The following CFD variants were observed in gnomAD, a reference collection of about 807,000 sequenced individuals.
The protein encoded by CFD is C3 convertase activator.
In CFD, 24 loss-of-function variants were observed where a neutral mutation model predicts 21.1. The ratio of observed to expected loss-of-function variants is 1.14; its 90% CI spans 0.82 to 1.60. CFD has a LOEUF of 1.60. Ranked by LOEUF, CFD falls within the 40% of genes most tolerant of loss-of-function variation. The pLI, the probability that CFD is intolerant of heterozygous loss-of-function variation, is 0.00. For synonymous variants in CFD, 242 were observed against 175.9 expected, an observed-to-expected ratio of 1.38 and a Z score of -2.97; for missense variants, 535 against 383.3, an observed-to-expected ratio of 1.40 and a Z score of -3.31.
chr19:859,901 A>C, intron 1 of CFD, 157 bp downstream of exon 1: 2 of 610,978 alleles, frequency 3.3e-6, no homozygotes, highest in Non-Finnish European at 2.9e-6. Flanking sequence ...ATTCTAGAAA[A>C]TTCAGATTGG....
chr19:860,910 C>A lies in CFD; in HGVS notation c.262C>A (p.Pro88Thr), dbSNP rs751064879. The stretch of plus-strand genomic sequence containing the variant: ...CCTGGGCGCGCACTCCCTGTCGCAG[C>A]CGGAGCCCTCCAAGCGCCTGTACGA... Reference protein sequence around the residue: ...VLLGAHSLSQPEPSKRLYDVL... With the variant: ...VLLGAHSLSQTEPSKRLYDVL... The change falls in exon 3 of 5, where the codon CCG becomes ACG. Residue 88 changes from proline (P) to threonine (T), a missense_variant. Pro to Thr is a conservative substitution (Grantham distance 38). Coordinates refer to ENST00000327726, the MANE Select transcript of CFD (RefSeq NM_001928.4). The A allele has an allele frequency of 6.3e-7, 1 of 1,594,904 alleles. No homozygotes were observed.
chr19:860,198 T>C (rs964258210), intron 1 of CFD, among the ~76,000 whole-genome samples: 2 of 139,784 alleles, frequency 1.4e-5, no homozygotes, highest in Non-Finnish European at 3.2e-5. Flanking sequence ...TTTTTCTTTC[T>C]TTTTTTTTTT....
chr19:861,893 C>A lies in CFD; in HGVS notation c.552C>A (p.His184Gln). The A allele has an allele frequency of 6.3e-7, 1 of 1,583,764 alleles. No homozygotes were observed. The highest frequency in any genetic ancestry group is 8.5e-7 in the Non-Finnish European group (1 of 1,172,002). ...GCGCCACCTGCAACCGGCGCACGCACCACGACGGCGCCATCACCGAGCGCT... is the reference window on the plus strand; with the variant it reads ...GCGCCACCTGCAACCGGCGCACGCAACACGACGGCGCCATCACCGAGCGCT... ...LDRATCNRRT[H>Q]HDGAITERLM... Residue 184 changes from histidine (H) to glutamine (Q), a missense_variant, in exon 4 of 5, where the codon CAC (histidine) becomes CAA (glutamine). His to Gln is a conservative substitution (Grantham distance 24, BLOSUM62 0). Coordinates refer to ENST00000327726, the MANE Select transcript of CFD (RefSeq NM_001928.4).
chr19:860,594 C>G (rs1335523461), intron 1 of CFD, 23 bp from the exon 2 acceptor site: 32 of 1,410,420 alleles, frequency 2.3e-5, no homozygotes, highest in Middle Eastern at 2.5e-4. Context: ...CCCCGCGGCC[C>G]TCACGCGCCC....
chr19:861,570 C>A (rs372482606), intron 3 of CFD, 129 bp from the exon 4 acceptor site: 1 of 1,095,230 alleles, frequency 9.1e-7, no homozygotes, highest in Non-Finnish European at 1.3e-6. Context: ...CTAAATCTCT[C>A]CTGCTGCACT....
chr19:863,280 T>G lies in CFD; in HGVS notation c.*42T>G, dbSNP rs1280632161. 1.9e-6 allele frequency: 3 copies of G among 1,542,552 alleles called. No individual in the cohort carries two copies. Among genetic ancestry groups the G allele is most frequent in the Non-Finnish European group, 2.6e-6 (3 of 1,150,202 alleles). On this transcript the variant is annotated 3_prime_UTR_variant, in exon 5 of 5. Transcript: ENST00000327726. The stretch of plus-strand genomic sequence containing the variant: ...GGTCAGGGTCACCCAAGCAACAAAG[T>G]CCCGAGCAATGAAGTCATCCACTCC...
In CFD at chr19:863,211, G is replaced by C. The variant is rs550242478; in HGVS notation, c.735G>C (p.Ala245=). ...PGIYTRVASY[A]AWIDSVLA is the part of the protein sequence containing the mutation. ...TCTACACCCGCGTGGCGAGCTATGC[G>C]GCCTGGATCGACAGCGTCCTGGCCT... Residue 245 remains alanine (A), a synonymous_variant, in exon 5 of 5, where the codon GCG becomes GCC. Coordinates refer to ENST00000327726, the MANE Select transcript of CFD (RefSeq NM_001928.4). The C allele has an allele frequency of 6.5e-7, 1 of 1,543,204 alleles. No individual in the cohort carries two copies. Among genetic ancestry groups the C allele is most frequent in the African/African-American group, 1.4e-5 (1 of 73,672 alleles).
At chr19:861,558 G>A in intron 3 of CFD, 141 bp from the exon 4 acceptor site, 1 of 947,592 alleles carries the variant, frequency 1.1e-6, no homozygotes. Context: ...CCAGGGTCTA[G>A]CCTAAATCTC....
intron 1 of CFD, 121 bp from the exon 2 acceptor site, chr19:860,496 G>C: frequency 1.3e-6 from 1 of 779,404 alleles, no homozygotes; most frequent in South Asian, 2.4e-5. Context: ...GTGAGCCACC[G>C]CGCCCAGAGA....
At chr19:860,551 C>T (rs2035771447) in intron 1 of CFD, 66 bp from the exon 2 acceptor site, 2 of 1,351,056 alleles carry the variant, frequency 1.5e-6, no homozygotes, top group Non-Finnish European at 1.9e-6. Context: ...AGCTGGGATC[C>T]CGTCAGGCAG....
intron 4 of CFD, 142 bp from the exon 5 acceptor site, chr19:862,950 C>T (rs143479761): frequency 2.5e-6 from 2 of 812,826 alleles, no homozygotes; most frequent in South Asian, 1.8e-5. Context: ...TGGCGCGGGG[C>T]TATTGACTAG....
Position 861,398 on chromosome 19 carries a change from C to A in CFD, c.358-301C>A, listed in dbSNP as rs1431644033. ...GGACCCCGCCCTACAACCCCCGCACCCTCACCCCGGGTCTAGCCTCGACCT... is the reference window on the plus strand; with the variant it reads ...GGACCCCGCCCTACAACCCCCGCACACTCACCCCGGGTCTAGCCTCGACCT... On this transcript the variant is annotated intron_variant, in intron 3 of 4. Coordinates refer to ENST00000327726, the MANE Select transcript of CFD (RefSeq NM_001928.4). 7.9e-4 allele frequency among the ~76,000 whole-genome samples: 92 copies of A among 117,164 alleles called. 1 individual carries two copies. Among genetic ancestry groups the A allele is most frequent in the African/African-American group, 2.4e-3 (85 of 35,132 alleles). 76.9% of individuals were successfully genotyped at this position (117,164 alleles called of 152,430 possible). A position where few individuals can be genotyped will look rare whatever the true frequency, so the allele number is the denominator to read the frequency against.
intron 4 of CFD, 125 bp from the exon 5 acceptor site, chr19:862,967 C>G (rs2035827788): frequency 9.8e-7 from 1 of 1,022,112 alleles, no homozygotes; most frequent in African/African-American, 1.6e-5. Context: ...CTAGTGAAGA[C>G]CAAATTAACA....
chr19:861,131 AC>A, intron 3 of CFD, 126 bp downstream of exon 3: 3 of 617,874 alleles, frequency 4.9e-6, no homozygotes, highest in Non-Finnish European at 8.2e-6. Flanking sequence ...ACCCCGCCCC[AC>A]AACCCCCACA....
At position 861,016 on chromosome 19, in the gene CFD, T is replaced by A; in HGVS notation, c.357+11T>A. The A allele has an allele frequency of 6.3e-7, 1 of 1,596,670 alleles. No homozygotes were observed. The highest frequency in any genetic ancestry group is 8.5e-7 in the Non-Finnish European group (1 of 1,178,916). ...CTCCTGCTGCTACAGGTCGGCCCCG[T>A]GTAGCGCAGTCCCTCCTGCGGCGCT... On this transcript the variant is annotated intron_variant, in intron 3 of 4. Transcript: ENST00000327726.
chr19:862,806 C>T (rs1298671525), intron 4 of CFD, among the ~76,000 whole-genome samples: 1 of 134,384 alleles, frequency 7.4e-6, no homozygotes, highest in Non-Finnish European at 1.6e-5. Context: ...GTGGGACCCC[C>T]ATACTGGAAA....
rs1479826525 is a variant in CFD, at chr19:860,504, AGATGG to A, written c.56-109_56-105del. The A allele has an allele frequency of 6.8e-6, 7 of 1,032,774 alleles. No homozygotes were observed. The African/African-American group carries it at 1.2e-4, about 18-fold the overall frequency. 64.0% of individuals were successfully genotyped at this position (1,032,774 alleles called of 1,614,324 possible). A position where few individuals can be genotyped will look rare whatever the true frequency, so the allele number is the denominator to read the frequency against. On this transcript the variant is annotated intron_variant, in intron 1 of 4. Coordinates refer to ENST00000327726, the MANE Select transcript of CFD (RefSeq NM_001928.4). ...TACAGGCGTGAGCCACCGCGCCCAG[AGATGG>A]GATTCTTGCGGGGAGCGGCCTGGGG...
chr19:862,062 G>C (rs2035805615), intron 4 of CFD, 106 bp downstream of exon 4: 1 of 1,448,400 alleles, frequency 6.9e-7, no homozygotes, highest in Admixed American at 2.7e-5. Flanking sequence ...CCAGGGAAGG[G>C]GCGGGGCGCG....
chr19:863,348 G>A lies in CFD; in HGVS notation c.*110G>A, dbSNP rs759169501. The A allele has an allele frequency of 2.9e-5, 39 of 1,330,420 alleles. No homozygotes were observed. The South Asian group carries it at 4.5e-4, about 15-fold the overall frequency. 82.4% of individuals were successfully genotyped at this position (1,330,420 alleles called of 1,614,324 possible). ...TATTGAGCACCTACTATATGCAGAA[G>A]GGGAGGCCGAGGTGGGAGGATCATT... On this transcript the variant is annotated 3_prime_UTR_variant, in exon 5 of 5. Transcript: ENST00000327726.
Sources: allele counts gnomAD v4.1 joint callset (sites outside exome capture counted in the v4.1 genomes callset), GRCh38; gene constraint gnomAD v4.1.1; transcripts MANE v1.5; gene names NCBI Gene and HGNC (gene_info 2026-07-23, HGNC 2026-07-21).